DRC11: variants seen among roughly 807,000 people sequenced by gnomAD.
DRC11 encodes the protein IQ and AAA domain-containing protein 1.
chr2:236,498,447 G>C, the DRC11 span, among the ~76,000 whole-genome samples: 3 of 147,470 alleles, frequency 2.0e-5, no homozygotes, highest in African/African-American at 7.8e-5. Flanking sequence ...CCTGGCAACA[G>C]AGCGAGACTG....
chr2:236,416,501 G>T, the DRC11 span, among the ~76,000 whole-genome samples: 29 of 151,738 alleles, frequency 1.9e-4, 1 homozygote, highest in African/African-American at 6.8e-4. Context: ...CAAATGAGCA[G>T]TAAGGGGTCT....
At chr2:236,481,375 CAT>C in the DRC11 span, among the ~76,000 whole-genome samples, 39 of 152,114 alleles carry the variant, frequency 2.6e-4, no homozygotes, top group African/African-American at 9.4e-4. Flanking sequence ...TTTTTCCACA[CAT>C]GAGGTGCCTG....
the DRC11 span, among the ~76,000 whole-genome samples, chr2:236,389,163 G>T: frequency 6.6e-6 from 1 of 152,236 alleles, no homozygotes; most frequent in Non-Finnish European, 1.5e-5. Context: ...AGGCAGGCAC[G>T]CCTCCTTGAG....
chr2:236,325,958 A>C, the DRC11 span, among the ~76,000 whole-genome samples: 4 of 152,176 alleles, frequency 2.6e-5, no homozygotes, highest in African/African-American at 9.7e-5. The surrounding 1 kb of genome is among the most constrained non-coding windows in gnomAD (Gnocchi z 4.4). Context: ...GTTTAGCTGG[A>C]TACAAATATT....
the DRC11 span, chr2:236,368,460 C>G: frequency 6.8e-6 from 4 of 585,814 alleles, no homozygotes; most frequent in Non-Finnish European, 1.2e-5. Flanking sequence ...CATCTTTTCT[C>G]AGATAAAGGT....
the DRC11 span, among the ~76,000 whole-genome samples, chr2:236,400,016 C>T: frequency 6.6e-6 from 1 of 152,220 alleles, no homozygotes; most frequent in Non-Finnish European, 1.5e-5. The surrounding 1 kb of genome is among the most constrained non-coding windows in gnomAD (Gnocchi z 7.9). Context: ...CACACCCGGC[C>T]TGGTCCTGTC....
At chr2:236,459,616 A>ATACGTATACGTATATACGTATATAC in the DRC11 span, among the ~76,000 whole-genome samples, 2 of 130,876 alleles carry the variant, frequency 1.5e-5, no homozygotes, top group African/African-American at 5.6e-5. Flanking sequence ...TACGTATATA[A>ATACGTATACGTATATACGTATATAC]GTATATACAT....
chr2:236,461,304 T>A, the DRC11 span, among the ~76,000 whole-genome samples: 25 of 152,146 alleles, frequency 1.6e-4, no homozygotes, highest in Admixed American at 1.6e-3. This position sits in a 1 kb window ranked among gnomAD's most constrained non-coding sequence, Gnocchi z 4.0. Flanking sequence ...TTCATGAACA[T>A]TGAGCACACA....
chr2:236,412,054 A>G, the DRC11 span, among the ~76,000 whole-genome samples: 4 of 151,174 alleles, frequency 2.6e-5, no homozygotes, highest in Non-Finnish European at 5.9e-5. Context: ...AATAATAAAA[A>G]AAAAAGAAAA....
chr2:236,405,308 C>T, the DRC11 span, among the ~76,000 whole-genome samples: 37 of 152,024 alleles, frequency 2.4e-4, 1 homozygote, highest in South Asian at 7.7e-3. The surrounding 1 kb of genome is among the most constrained non-coding windows in gnomAD (Gnocchi z 4.6). Flanking sequence ...TGCAGACCGA[C>T]CTCAGAGTTG....
chr2:236,416,768 T>TATATATATATATATAA, the DRC11 span, among the ~76,000 whole-genome samples: 220 of 92,932 alleles, frequency 2.4e-3, 9 homozygotes, highest in Non-Finnish European at 3.8e-3. Context: ...TATATATATA[T>TATATATATATATATAA]AAATAATTTT....
chr2:236,458,320 A>T, the DRC11 span, among the ~76,000 whole-genome samples: 1 of 152,344 alleles, frequency 6.6e-6, no homozygotes, highest in African/African-American at 2.4e-5. Flanking sequence ...ACTATCACAC[A>T]ATCTAGAAAA....
chr2:236,409,034 C>G, the DRC11 span: 1 of 626,718 alleles, frequency 1.6e-6, no homozygotes, highest in African/African-American at 1.8e-5. Flanking sequence ...AGGCAGGAAG[C>G]CGAGGGACCC....
the DRC11 span, among the ~76,000 whole-genome samples, chr2:236,458,324 T>C: frequency 6.6e-6 from 1 of 152,146 alleles, no homozygotes; most frequent in African/African-American, 2.4e-5. Context: ...TCACACAATC[T>C]AGAAAATTCT....
chr2:236,335,549 G>A, the DRC11 span, among the ~76,000 whole-genome samples: 219 of 152,270 alleles, frequency 1.4e-3, 2 homozygotes, highest in African/African-American at 5.0e-3. This position sits in a 1 kb window ranked among gnomAD's most constrained non-coding sequence, Gnocchi z 5.6. Context: ...AATCTGCAGC[G>A]TGATCTGAAT....
the DRC11 span, among the ~76,000 whole-genome samples, chr2:236,442,687 AT>A: frequency 6.6e-6 from 1 of 152,194 alleles, no homozygotes. Flanking sequence ...CAGTTGATAC[AT>A]TTCATCATAT....
the DRC11 span, among the ~76,000 whole-genome samples, chr2:236,409,941 G>A: frequency 6.6e-6 from 1 of 152,160 alleles, no homozygotes; most frequent in African/African-American, 2.4e-5. Context: ...AACCAGCCTT[G>A]CATTCCAGGG....
chr2:236,454,714 C>T, the DRC11 span: 1 of 152,184 alleles, frequency 6.6e-6, no homozygotes, highest in Non-Finnish European at 1.5e-5. This position sits in a 1 kb window ranked among gnomAD's most constrained non-coding sequence, Gnocchi z 5.3. Context: ...CTATTGTGAA[C>T]CTTCAGGTGG....
At chr2:236,360,077 G>C in the DRC11 span, among the ~76,000 whole-genome samples, 14 of 151,328 alleles carry the variant, frequency 9.3e-5, no homozygotes, top group African/African-American at 2.7e-4. The surrounding 1 kb of genome is among the most constrained non-coding windows in gnomAD (Gnocchi z 5.8). Context: ...GACTTTCCTA[G>C]AGTGAGAACA....
Sources: gnomAD v4.1 joint callset for allele counts (sites outside exome capture counted in the v4.1 genomes callset) on GRCh38, gnomAD v4.1.1 for gene constraint, Gnocchi (gnomAD v3.1) non-coding constraint, MANE v1.5 for transcripts, NCBI Gene and HGNC (gene_info 2026-07-23, HGNC 2026-07-21) for gene names.